The following IL1RAPL2 variants were observed in gnomAD, a reference collection of about 807,000 sequenced individuals.
The protein encoded by IL1RAPL2 is interleukin 1 receptor accessory protein like 2.
A neutral mutation model predicts 44.1 loss-of-function variants in IL1RAPL2; 3 were observed. The observed-to-expected ratio is 0.07, with a 90% confidence interval of 0.03 to 0.18. The LOEUF (loss-of-function observed/expected upper bound fraction) is 0.18. IL1RAPL2 is among the 10% of genes least tolerant of loss of function. The pLI is 1.00. For missense variants in IL1RAPL2, 391 were observed against 496.4 expected, an observed-to-expected ratio of 0.79 and a Z score of 2.02; for synonymous variants, 181 against 178.8, an observed-to-expected ratio of 1.01 and a Z score of -0.10.
chrX:104,983,446 T>C (rs1439975190), intron 2 of IL1RAPL2, among the ~76,000 whole-genome samples: 1 of 89,540 alleles, frequency 1.1e-5, no homozygotes, highest in Admixed American at 1.3e-4. Context: ...AATAGATACA[T>C]AATATTATAT....
chrX:104,676,785 G>T (rs1165882097), intron 2 of IL1RAPL2, among the ~76,000 whole-genome samples: 4 of 111,479 alleles, frequency 3.6e-5, no homozygotes, highest in Non-Finnish European at 7.5e-5. Flanking sequence ...ATTTCTTGGA[G>T]GCTTTGCTCA....
At chrX:105,032,084 AT>A (rs1021183540) in intron 2 of IL1RAPL2, among the ~76,000 whole-genome samples, 1 of 110,929 alleles carries the variant, frequency 9.0e-6, no homozygotes. Flanking sequence ...CCCCTTTATC[AT>A]TTTTTATTGC....
At chrX:105,630,137 C>T (rs774131593) in intron 6 of IL1RAPL2, among the ~76,000 whole-genome samples, 2 of 111,365 alleles carry the variant, frequency 1.8e-5, no homozygotes, top group Non-Finnish European at 3.8e-5. Context: ...AACTCAAACC[C>T]AAACCCAAAG....
At chrX:105,766,493 C>T in intron 10 of IL1RAPL2, among the ~76,000 whole-genome samples, 1 of 111,272 alleles carries the variant, frequency 9.0e-6, no homozygotes, top group Non-Finnish European at 1.9e-5. Flanking sequence ...AGGGGCCATA[C>T]ATACAGTTAG....
chrX:105,085,288 C>T (rs1259272548), intron 2 of IL1RAPL2, among the ~76,000 whole-genome samples: 2 of 111,946 alleles, frequency 1.8e-5, no homozygotes, highest in Non-Finnish European at 3.8e-5. Context: ...ATAAGGGGCT[C>T]ATAGCCAAAA....
intron 2 of IL1RAPL2, among the ~76,000 whole-genome samples, chrX:105,133,946 A>G (rs1299059400): frequency 8.9e-6 from 1 of 111,874 alleles, no homozygotes; most frequent in African/African-American, 3.2e-5. Context: ...TTTTTATAGT[A>G]TACCATCACA....
rs777690205 is a variant in IL1RAPL2 at position 105,609,459 on chromosome X, TAG to T, written c.773-107903_773-107902del. Among the ~76,000 whole-genome samples, 120 of 111,200 alleles carry T rather than the reference TAG, an allele frequency of 1.1e-3. 1 individual carries two copies. Among genetic ancestry groups the T allele is most frequent in the Non-Finnish European group, 2.0e-3 (108 of 53,017 alleles). ...GAGAGAGAGAGAGTTGGGGTAATTA[TAG>T]AGAGTTTCCTCAAAGGAGATATTTT... is the stretch of plus-strand genomic sequence containing the variant. On this transcript the variant is annotated intron_variant, in intron 6 of 10. Coordinates refer to ENST00000372582, the MANE Select transcript of IL1RAPL2 (RefSeq NM_017416.2).
At chrX:104,625,162 C>G (rs1347105479) in intron 1 of IL1RAPL2, among the ~76,000 whole-genome samples, 6 of 111,644 alleles carry the variant, frequency 5.4e-5, no homozygotes, top group African/African-American at 1.6e-4. Flanking sequence ...ACATCATACC[C>G]CATGGATAAG....
At chrX:104,658,456 G>A (rs1162775303) in intron 1 of IL1RAPL2, among the ~76,000 whole-genome samples, 1 of 111,590 alleles carries the variant, frequency 9.0e-6, no homozygotes, top group Non-Finnish European at 1.9e-5. Context: ...CACAAACCAG[G>A]GCTTCTGGTG....
chrX:105,011,744 G>A (rs1180659972), intron 2 of IL1RAPL2, among the ~76,000 whole-genome samples: 1 of 110,496 alleles, frequency 9.1e-6, no homozygotes, highest in Non-Finnish European at 1.9e-5. Flanking sequence ...TCCATTTTTT[G>A]GCTAATGATG....
intron 2 of IL1RAPL2, among the ~76,000 whole-genome samples, chrX:104,673,992 T>A (rs991409927): frequency 9.0e-6 from 1 of 111,370 alleles, no homozygotes; most frequent in African/African-American, 3.3e-5. Flanking sequence ...CTTAAGGAGA[T>A]TTTGGGCTGA....
chrX:105,517,067 G>A (rs1245462105), intron 6 of IL1RAPL2, among the ~76,000 whole-genome samples: 1 of 111,507 alleles, frequency 9.0e-6, no homozygotes, highest in East Asian at 2.8e-4. Flanking sequence ...TGTTGTGTAA[G>A]TTTATAGAAA....
chrX:105,520,500 A>G (rs191759735), intron 6 of IL1RAPL2, among the ~76,000 whole-genome samples: 1 of 111,835 alleles, frequency 8.9e-6, no homozygotes, highest in East Asian at 2.8e-4. Flanking sequence ...CCAAGCCTTA[A>G]TTCCTTTTTA....
intron 2 of IL1RAPL2, among the ~76,000 whole-genome samples, chrX:104,683,409 A>G (rs970120134): frequency 2.7e-5 from 3 of 111,823 alleles, no homozygotes; most frequent in African/African-American, 9.8e-5. Context: ...TCTTCTGTGC[A>G]TTCCTAGGGG....
chrX:105,240,439 G>T (rs181027537), intron 4 of IL1RAPL2, among the ~76,000 whole-genome samples: 1 of 112,219 alleles, frequency 8.9e-6, no homozygotes, highest in African/African-American at 3.2e-5. Context: ...TTCTACTTGG[G>T]TTAGCAGTTA....
intron 2 of IL1RAPL2, among the ~76,000 whole-genome samples, chrX:104,902,921 T>C (rs1013247833): frequency 1.8e-5 from 2 of 111,718 alleles, no homozygotes; most frequent in Non-Finnish European, 3.8e-5. Context: ...ATAAAGGATA[T>C]ATACTATCCA....
intron 2 of IL1RAPL2, among the ~76,000 whole-genome samples, chrX:104,962,522 C>T (rs2030028373): frequency 1.8e-5 from 2 of 111,872 alleles, no homozygotes; most frequent in African/African-American, 3.2e-5. Context: ...CCATTTAGTG[C>T]GTAGCCTATG....
At chrX:105,766,827 A>G in intron 10 of IL1RAPL2, 137 bp from the exon 11 acceptor site, 1 of 427,648 alleles carries the variant, frequency 2.3e-6, no homozygotes, top group East Asian at 3.8e-5. Context: ...TAAGGAGGGG[A>G]ATGTACCATA....
intron 2 of IL1RAPL2, among the ~76,000 whole-genome samples, chrX:104,762,910 G>C (rs1403996904): frequency 8.9e-6 from 1 of 111,971 alleles, no homozygotes; most frequent in Non-Finnish European, 1.9e-5. Flanking sequence ...CCTGTGATGG[G>C]AGCAGCTGCC....
Sources: allele counts gnomAD v4.1 joint callset (sites outside exome capture counted in the v4.1 genomes callset), GRCh38; gene constraint gnomAD v4.1.1; transcripts MANE v1.5; gene names NCBI Gene and HGNC (gene_info 2026-07-23, HGNC 2026-07-21).